The following BCKDHB variants were observed in gnomAD, a reference collection of about 807,000 sequenced individuals.
The protein encoded by BCKDHB is branched chain keto acid dehydrogenase E1 subunit beta.
Under a neutral mutation model 48.5 loss-of-function variants are expected in BCKDHB, and 41 were observed. That is an observed-to-expected ratio of 0.85 (90% CI 0.66 to 1.10). The LOEUF is 1.10. Among genes scored for constraint, BCKDHB ranks in the 50% least tolerant of loss-of-function variants. BCKDHB has a pLI of 0.00. For synonymous variants in BCKDHB, 201 were observed against 174.8 expected (o/e 1.15, Z -1.18); for missense variants, 496 against 494.2 (o/e 1.00, Z -0.03).
chr6:80,318,686 T>TAAA (rs756830332), intron 9 of BCKDHB, among the ~76,000 whole-genome samples: 2 of 117,208 alleles, frequency 1.7e-5, no homozygotes, highest in African/African-American at 3.2e-5. Context: ...CTCTCTCTCT[T>TAAA]AAAAAAAAAA....
chr6:80,355,676 G>C, the BCKDHB span: 3 of 152,054 alleles, frequency 2.0e-5, no homozygotes, highest in Middle Eastern at 3.4e-3. Context: ...TGTCCCAAAG[G>C]CTAGACAACC....
rs376081308 is a variant in BCKDHB at position 80,215,975 on chromosome 6, C to T, written c.951+12763C>T. Among the ~76,000 whole-genome samples, 4 of 152,110 alleles carry T rather than the reference C, an allele frequency of 2.6e-5. No homozygotes were observed. The East Asian group carries it at 5.8e-4, about 22-fold the overall frequency. ...CAGGATGGTCTTGATCTCCTGACCT[C>T]GTGATCCGCCTACCTCGGCCTCCCA... On this transcript the variant is annotated intron_variant, in intron 8 of 9. Transcript: ENST00000320393.
At chr6:80,428,291 G>A in the BCKDHB span, among the ~76,000 whole-genome samples, 1 of 152,122 alleles carries the variant, frequency 6.6e-6, no homozygotes, top group East Asian at 1.9e-4. Context: ...ATTTGGGTTG[G>A]TTCCAAGTCT....
intron 1 of BCKDHB, among the ~76,000 whole-genome samples, chr6:80,119,755 A>G (rs557559151): frequency 6.6e-6 from 1 of 152,318 alleles, no homozygotes; most frequent in South Asian, 2.1e-4. Context: ...ATAGCTTTAC[A>G]AAATGTATTT....
chr6:80,374,023 A>T, the BCKDHB span: 1 of 641,818 alleles, frequency 1.6e-6, no homozygotes, highest in African/African-American at 1.8e-5. Context: ...ATTTACTCCC[A>T]TGCCATAAGT....
intron 9 of BCKDHB, among the ~76,000 whole-genome samples, chr6:80,275,112 C>G (rs1777915573): frequency 6.6e-6 from 1 of 152,036 alleles, no homozygotes; most frequent in Admixed American, 6.6e-5. Flanking sequence ...GTAGCACTCT[C>G]AGACTCCCAG....
intron 3 of BCKDHB, among the ~76,000 whole-genome samples, chr6:80,142,058 T>G (rs1481334977): frequency 6.6e-6 from 1 of 152,100 alleles, no homozygotes; most frequent in African/African-American, 2.4e-5. Context: ...TTTTTGCACA[T>G]CAAGACCAGT....
At chr6:80,156,485 C>T (rs1582250663) in intron 3 of BCKDHB, among the ~76,000 whole-genome samples, 1 of 152,122 alleles carries the variant, frequency 6.6e-6, no homozygotes, top group Non-Finnish European at 1.5e-5. Context: ...TTGTAACAAT[C>T]ATTAGAAGTA....
At chr6:80,194,892 C>G (rs1326419805) in intron 6 of BCKDHB, among the ~76,000 whole-genome samples, 4 of 152,136 alleles carry the variant, frequency 2.6e-5, no homozygotes, top group Non-Finnish European at 5.9e-5. Context: ...TGCCATAATA[C>G]TCAGTAAAAC....
chr6:80,230,026 GTTTTTTTTTTTTTTTTTT>G (rs551632775), intron 8 of BCKDHB, among the ~76,000 whole-genome samples: 3 of 60,646 alleles, frequency 4.9e-5, no homozygotes, highest in South Asian at 5.8e-4. Flanking sequence ...TTTTTAGGTT[GTTTTTTTTTTTTTTTTTT>G]TTTTTTTTTT....
chr6:80,246,802 TG>T (rs1456327162), intron 8 of BCKDHB, among the ~76,000 whole-genome samples: 1 of 152,086 alleles, frequency 6.6e-6, no homozygotes, highest in Non-Finnish European at 1.5e-5. Flanking sequence ...CCCCATCTTC[TG>T]TCCAGCCCCA....
chr6:80,252,330 C>A (rs1238588996), intron 8 of BCKDHB, among the ~76,000 whole-genome samples: 6 of 152,150 alleles, frequency 3.9e-5, no homozygotes, highest in African/African-American at 1.4e-4. Flanking sequence ...CAGGCCCAAA[C>A]AATGTTATCG....
At chr6:80,313,774 T>A (rs914850890) in intron 9 of BCKDHB, among the ~76,000 whole-genome samples, 3 of 152,230 alleles carry the variant, frequency 2.0e-5, no homozygotes, top group Non-Finnish European at 4.4e-5. Context: ...ATCTTTGATC[T>A]TGGTTATTTT....
At chr6:80,423,398 G>A in the BCKDHB span, among the ~76,000 whole-genome samples, 1 of 152,204 alleles carries the variant, frequency 6.6e-6, no homozygotes, top group Non-Finnish European at 1.5e-5. Context: ...ATTCTAGTCT[G>A]TGATTGGTTG....
At chr6:80,362,580 G>A in the BCKDHB span, among the ~76,000 whole-genome samples, 1 of 152,126 alleles carries the variant, frequency 6.6e-6, no homozygotes, top group African/African-American at 2.4e-5. Flanking sequence ...CATAGGATCC[G>A]CAAAGGCCAT....
At chr6:80,213,571 C>G (rs1037384937) in intron 8 of BCKDHB, among the ~76,000 whole-genome samples, 1 of 152,094 alleles carries the variant, frequency 6.6e-6, no homozygotes, top group African/African-American at 2.4e-5. Flanking sequence ...CAAATACACC[C>G]TGTTACAAGA....
At chr6:80,146,177 C>T (rs928004929) in intron 3 of BCKDHB, among the ~76,000 whole-genome samples, 8 of 151,968 alleles carry the variant, frequency 5.3e-5, no homozygotes, top group African/African-American at 1.2e-4. Flanking sequence ...TTCAAATGTG[C>T]GGCCAAGTTT....
chr6:80,179,588 A>G (rs915876023), intron 6 of BCKDHB, among the ~76,000 whole-genome samples: 1 of 152,116 alleles, frequency 6.6e-6, no homozygotes, highest in Non-Finnish European at 1.5e-5. Context: ...TATCTTCAAG[A>G]AGTCCTGAAC....
At chr6:80,170,034 C>G in intron 5 of BCKDHB, 1 of 738,880 alleles carries the variant, frequency 1.4e-6, no homozygotes, top group African/African-American at 1.9e-5. Flanking sequence ...TTCTTTCTTC[C>G]TCTTCCTTTT....
Sources: gnomAD v4.1 joint callset for allele counts (sites outside exome capture counted in the v4.1 genomes callset) on GRCh38, gnomAD v4.1.1 for gene constraint, MANE v1.5 for transcripts, NCBI Gene and HGNC (gene_info 2026-07-23, HGNC 2026-07-21) for gene names.